GSTCD: variants seen among roughly 807,000 people sequenced by gnomAD.
GSTCD encodes the protein glutathione S-transferase C-terminal domain-containing protein.
A neutral mutation model predicts 68.3 loss-of-function variants in GSTCD; 44 were observed. That is an observed-to-expected ratio of 0.64 (90% CI 0.51 to 0.83). The LOEUF (loss-of-function observed/expected upper bound fraction) is 0.83. Ranked by LOEUF, GSTCD falls within the 40% of genes least tolerant of loss-of-function variation. The pLI is 0.00. For synonymous variants in GSTCD, 273 were observed against 255.2 expected, an observed-to-expected ratio of 1.07 and a Z score of -0.67; for missense variants, 739 against 735.9, an observed-to-expected ratio of 1.00 and a Z score of -0.05.
chr4:105,782,190 G>A (rs1017477558), intron 5 of GSTCD, among the ~76,000 whole-genome samples: 1 of 152,044 alleles, frequency 6.6e-6, no homozygotes, highest in African/African-American at 2.4e-5. Flanking sequence ...CAGGGGAAGA[G>A]AAAGAAAAGG....
intron 5 of GSTCD, among the ~76,000 whole-genome samples, chr4:105,788,029 TTTTTGC>T (rs1304947516): frequency 1.3e-5 from 2 of 152,086 alleles, no homozygotes; most frequent in African/African-American, 4.8e-5. Context: ...CAGGTTTTTG[TTTTTGC>T]TTTTAGTACA....
intron 5 of GSTCD, among the ~76,000 whole-genome samples, chr4:105,789,781 T>C (rs955001808): frequency 2.0e-5 from 3 of 151,798 alleles, no homozygotes; most frequent in African/African-American, 7.3e-5. Context: ...GGGAGGACCA[T>C]TGGGAAGTAC....
At chr4:105,731,469 A>G (rs1261004872) in intron 5 of GSTCD, among the ~76,000 whole-genome samples, 1 of 152,142 alleles carries the variant, frequency 6.6e-6, no homozygotes, top group South Asian at 2.1e-4. Flanking sequence ...TTGGATTCCT[A>G]GGTATTTTAT....
Position 105,717,807 on chromosome 4 carries a change from A to G in GSTCD, c.194A>G (p.Asp65Gly). Residue 65 changes from aspartate (D) to glycine (G), a missense_variant, in exon 2 of 12, where the codon GAT becomes GGT. Coordinates refer to ENST00000515279, the MANE Select transcript of GSTCD (RefSeq NM_001370181.1). ...AGTAGAGATAGTTCACTACTAAGAGATGACCTGATCCAGGATGTTGAAATA... is the reference window on the plus strand; with the variant it reads ...AGTAGAGATAGTTCACTACTAAGAGGTGACCTGATCCAGGATGTTGAAATA... ...EVSRDSSLLR[D>G]DLIQDVEIQI... 1 of 1,614,018 alleles carries G rather than the reference A, an allele frequency of 6.2e-7. No individual in the cohort carries two copies. The highest frequency in any genetic ancestry group is 2.2e-5 in the East Asian group (1 of 44,866).
intron 5 of GSTCD, among the ~76,000 whole-genome samples, chr4:105,735,782 G>A (rs1452968929): frequency 1.3e-5 from 2 of 152,010 alleles, no homozygotes; most frequent in Non-Finnish European, 2.9e-5. Context: ...ACTCATGCTG[G>A]GAGCTGTAGA....
chr4:105,759,730 A>G (rs983199567), intron 5 of GSTCD, among the ~76,000 whole-genome samples: 3 of 152,234 alleles, frequency 2.0e-5, no homozygotes, highest in Non-Finnish European at 4.4e-5. Flanking sequence ...GAGGAAAATA[A>G]TTTAAAATTT....
At chr4:105,743,383 T>C (rs1733700114) in intron 5 of GSTCD, among the ~76,000 whole-genome samples, 1 of 152,118 alleles carries the variant, frequency 6.6e-6, no homozygotes, top group Non-Finnish European at 1.5e-5. Flanking sequence ...AGATACTCAA[T>C]TATTTTTTAT....
chr4:105,785,625 G>A (rs1735436600), intron 5 of GSTCD, among the ~76,000 whole-genome samples: 1 of 152,070 alleles, frequency 6.6e-6, no homozygotes, highest in African/African-American at 2.4e-5. Flanking sequence ...AGGAAAAGAA[G>A]GGAACATCCT....
chr4:105,778,744 A>AT (rs1164951518), intron 5 of GSTCD, among the ~76,000 whole-genome samples: 8 of 152,080 alleles, frequency 5.3e-5, no homozygotes, highest in African/African-American at 1.9e-4. Context: ...TGTAACTAAG[A>AT]TTTTTTCTGT....
intron 1 of GSTCD, among the ~76,000 whole-genome samples, chr4:105,713,141 A>G (rs988079632): frequency 4.6e-5 from 7 of 152,170 alleles, no homozygotes; most frequent in Non-Finnish European, 8.8e-5. Context: ...TTTTGTTTCT[A>G]TTTTATTCAG....
intron 8 of GSTCD, among the ~76,000 whole-genome samples, chr4:105,829,455 A>C (rs985957537): frequency 1.3e-5 from 2 of 152,212 alleles, no homozygotes; most frequent in Admixed American, 1.3e-4. Context: ...AAAGAGGTTT[A>C]ATTGATTCAC....
In GSTCD at chr4:105,717,647, G is replaced by A. The variant is rs766584771; in HGVS notation, c.34G>A (p.Glu12Lys). ...CATAAAGAAAAGTCTTACAGAAGAA[G>A]AATACCTGTACCTGGACTTTTCTCA... ...KAIKKSLTEE[E>K]YLYLDFSHQT... Residue 12 changes from glutamate (E) to lysine (K), a missense_variant, in exon 2 of 12, where the codon GAA (glutamate) becomes AAA (lysine). Physicochemically the swap from Glu to Lys is moderately conservative, Grantham distance 56. Transcript: ENST00000515279. 13 of 1,586,618 alleles carry A rather than the reference G, an allele frequency of 8.2e-6. No homozygotes were observed. The highest frequency in any genetic ancestry group is 1.1e-5 in the Non-Finnish European group (13 of 1,171,408).
At chr4:105,735,209 G>A (rs535378841) in intron 5 of GSTCD, among the ~76,000 whole-genome samples, 1 of 152,142 alleles carries the variant, frequency 6.6e-6, no homozygotes. Context: ...CTTCAAAGCT[G>A]TACAGGGACA....
chr4:105,788,480 CTTTGT>C (rs1392762240), intron 5 of GSTCD, among the ~76,000 whole-genome samples: 2 of 152,082 alleles, frequency 1.3e-5, no homozygotes, highest in Admixed American at 1.3e-4. Context: ...ATTTGTGCCA[CTTTGT>C]TTCCTACTTA....
rs149089047 is a variant in GSTCD at position 105,718,008 on chromosome 4, T to C, written c.395T>C (p.Phe132Ser). ...LKKELLELLG[F>S]KKTCLKACAE... ...AAGGAACTTTTGGAACTTCTGGGCT[T>C]TAAAAAGACTTGCTTGAAAGCCTGT... is the stretch of plus-strand genomic sequence containing the variant. The change falls in exon 2 of 12, where the codon TTT becomes TCT. Residue 132 changes from phenylalanine to serine, a missense_variant. Transcript: ENST00000515279. 3.1e-6 allele frequency: 5 copies of C among 1,608,178 alleles called. No individual in the cohort carries two copies. The highest frequency in any genetic ancestry group is 1.7e-5 in the Admixed American group (1 of 58,656).
intron 4 of GSTCD, among the ~76,000 whole-genome samples, chr4:105,728,995 C>T (rs892261790): frequency 7.9e-5 from 12 of 151,878 alleles, no homozygotes; most frequent in Non-Finnish European, 1.2e-4. Context: ...TAGGCTGTGG[C>T]GATTTTCATA....
chr4:105,822,159 A>G (rs1176085422), intron 5 of GSTCD, among the ~76,000 whole-genome samples: 3 of 152,044 alleles, frequency 2.0e-5, no homozygotes, highest in Non-Finnish European at 4.4e-5. Context: ...AAATAATTTC[A>G]TTCATTCTTC....
intron 9 of GSTCD, among the ~76,000 whole-genome samples, chr4:105,835,509 G>A (rs930607409): frequency 1.3e-5 from 2 of 152,092 alleles, no homozygotes; most frequent in Non-Finnish European, 2.9e-5. Context: ...GTGAGCACTA[G>A]GGAACACAGT....
chr4:105,837,873 A>T lies in GSTCD; in HGVS notation c.1679A>T (p.Lys560Ile). The T allele has an allele frequency of 9.1e-7, 1 of 1,095,926 alleles. No homozygotes were observed. The allele number at this position is 1,095,926 out of a possible 1,614,324, so 67.9% of individuals were successfully genotyped here. ...FNFPKSEQFK[K>I]TLSYKEHMIL... ...TTCTATTTCAGTGAACAATTCAAGA[A>T]AACTTTATCATACAAGGTAACCTTA... The change falls in exon 10 of 12, where the codon AAA becomes ATA. Residue 560 changes from lysine to isoleucine, a missense_variant. Physicochemically the swap from Lys to Ile is moderately radical, Grantham distance 102. Transcript: ENST00000515279.
Sources: allele counts gnomAD v4.1 joint callset (sites outside exome capture counted in the v4.1 genomes callset), GRCh38; gene constraint gnomAD v4.1.1; transcripts MANE v1.5; gene names NCBI Gene and HGNC (gene_info 2026-07-23, HGNC 2026-07-21).